The following RIT2 variants were observed in gnomAD, a reference collection of about 807,000 sequenced individuals.
RIT2 encodes Ras like without CAAX 2.
RIT2 carries 24 observed loss-of-function variants against 23.7 expected under a neutral mutation model. The observed-to-expected ratio is 1.01, with a 90% CI of 0.73 to 1.43. RIT2 has a LOEUF of 1.43. Among genes scored for constraint, RIT2 ranks in the 40% most tolerant of loss-of-function variants. The pLI is 0.00. For synonymous variants in RIT2, 107 were observed against 91.1 expected, an observed-to-expected ratio of 1.17 and a Z score of -0.99; for missense variants, 236 against 266.9, an observed-to-expected ratio of 0.88 and a Z score of 0.81.
intron 4 of RIT2, among the ~76,000 whole-genome samples, chr18:42,850,025 AT>A (rs1386613945): frequency 6.6e-6 from 1 of 151,770 alleles, no homozygotes; most frequent in Non-Finnish European, 1.5e-5. Flanking sequence ...TGTCCCTCCA[AT>A]TTTTAAATAT....
rs554576322 is a variant in RIT2 at position 43,090,446 on chromosome 18, T to A, written c.103+24971A>T. Among the ~76,000 whole-genome samples, 303 of 152,262 alleles carry A rather than the reference T, an allele frequency of 2.0e-3. 1 individual carries two copies. The highest frequency in any genetic ancestry group is 6.0e-4 in the Non-Finnish European group (41 of 68,012). On this transcript the variant is annotated intron_variant, in intron 1 of 4. Transcript: ENST00000326695. ...TGGAAGTGTAAATAGTTCAGCCATG[T>A]GGAAGACAGTGTGGCAATTCTTCAA...
rs535957917 is a variant in RIT2 at position 42,812,658 on chromosome 18, G to T, written c.427-68938C>A. On this transcript the variant is annotated intron_variant, in intron 4 of 4. Transcript: ENST00000326695. ...TAACAAAACTTCTGGCATTTAGCAA[G>T]ATCTTCAATGTGTTTTATGGAAGGG... Among the ~76,000 whole-genome samples the T allele has an allele frequency of 1.3e-4, 20 of 152,196 alleles. No homozygotes were observed. In the South Asian group the frequency reaches 4.1e-3, roughly 32 times the overall value.
intron 2 of RIT2, among the ~76,000 whole-genome samples, chr18:43,024,936 G>A (rs7506043): frequency 0.13 from 19,443 of 151,854 alleles, 1,419 homozygotes; most frequent in African/African-American, 0.18. Context: ...GGCCGGGTGC[G>A]GTGGCTCATA....
chr18:42,911,544 A>G (rs1244899092), intron 4 of RIT2, among the ~76,000 whole-genome samples: 1 of 152,114 alleles, frequency 6.6e-6, no homozygotes, highest in East Asian at 1.9e-4. Flanking sequence ...TTGTTTCACT[A>G]TAGCAACCAT....
intron 2 of RIT2, among the ~76,000 whole-genome samples, chr18:42,998,821 T>C (rs1911043458): frequency 6.6e-6 from 1 of 152,064 alleles, no homozygotes; most frequent in Non-Finnish European, 1.5e-5. Context: ...CTTCATTCTT[T>C]TGCAGGGGTT....
In RIT2 at chr18:43,033,812, T is replaced by A. The variant is rs1199780458; in HGVS notation, c.159A>T (p.Ile53=). The A allele has an allele frequency of 1.2e-6, 2 of 1,603,884 alleles. No homozygotes were observed. Among genetic ancestry groups the A allele is most frequent in the African/African-American group, 2.7e-5 (2 of 74,672 alleles). Residue 53 remains isoleucine (I), a splice_region_variant and synonymous_variant, in exon 2 of 5, where the codon ATA becomes ATT. Transcript: ENST00000326695. ...CGGAGAAAGGAAGCTTCCACTTACCTATAGTAGGGTCATGATAATCAGGGA... is the reference window on the plus strand; with the variant it reads ...CGGAGAAAGGAAGCTTCCACTTACCAATAGTAGGGTCATGATAATCAGGGA... ...HQFPDYHDPT[I]EDAYKTQVRI... is the part of the protein sequence containing the mutation.
chr18:42,831,727 G>A (rs1906463684), intron 4 of RIT2, among the ~76,000 whole-genome samples: 1 of 152,126 alleles, frequency 6.6e-6, no homozygotes, highest in Non-Finnish European at 1.5e-5. Context: ...TGGAAATGCA[G>A]GTAGATAAAA....
intron 1 of RIT2, among the ~76,000 whole-genome samples, chr18:43,109,993 T>A (rs1172771436): frequency 6.6e-6 from 1 of 152,174 alleles, no homozygotes; most frequent in South Asian, 2.1e-4. Context: ...CCAGTCCTTA[T>A]TTTCTGACTT....
intron 4 of RIT2, among the ~76,000 whole-genome samples, chr18:42,798,076 T>C (rs1905425751): frequency 6.6e-6 from 1 of 152,194 alleles, no homozygotes; most frequent in South Asian, 2.1e-4. Flanking sequence ...TAGCATGAAA[T>C]ATATAATTTT....
intron 4 of RIT2, among the ~76,000 whole-genome samples, chr18:42,874,643 G>A (rs371231767): frequency 3.9e-5 from 6 of 151,986 alleles, no homozygotes; most frequent in Admixed American, 1.3e-4. Context: ...CCTGTTTCTC[G>A]TATGCAATAC....
At chr18:43,077,705 T>A in intron 1 of RIT2, among the ~76,000 whole-genome samples, 1 of 152,192 alleles carries the variant, frequency 6.6e-6, no homozygotes, top group South Asian at 2.1e-4. Context: ...GCCCATCACT[T>A]ACCTGACAGC....
intron 2 of RIT2, among the ~76,000 whole-genome samples, chr18:42,987,703 T>C (rs1041700007): frequency 6.6e-5 from 10 of 152,112 alleles, no homozygotes; most frequent in African/African-American, 2.4e-4. Flanking sequence ...TGAGGCTGGG[T>C]AAGTTATAAA....
chr18:43,109,507 T>C (rs1008601541), intron 1 of RIT2, among the ~76,000 whole-genome samples: 2 of 152,182 alleles, frequency 1.3e-5, no homozygotes, highest in African/African-American at 4.8e-5. Flanking sequence ...TTCTTTCCCT[T>C]GGATCTCCCC....
chr18:42,759,634 T>C (rs1913249908), intron 4 of RIT2, among the ~76,000 whole-genome samples: 1 of 151,398 alleles, frequency 6.6e-6, no homozygotes, highest in Non-Finnish European at 1.5e-5. Flanking sequence ...TAGAGGCTGC[T>C]GCCATTTTTT....
intron 4 of RIT2, among the ~76,000 whole-genome samples, chr18:42,856,272 C>CAT (rs1345198033): frequency 6.6e-6 from 1 of 152,218 alleles, no homozygotes; most frequent in Admixed American, 6.5e-5. Flanking sequence ...AGTCCTATCT[C>CAT]ATACCTAGAA....
chr18:42,933,676 G>A (rs1297171981), intron 3 of RIT2, among the ~76,000 whole-genome samples: 1 of 152,072 alleles, frequency 6.6e-6, no homozygotes, highest in African/African-American at 2.4e-5. Flanking sequence ...ATTCCACCAT[G>A]ATCGAAAACT....
chr18:42,898,254 C>T (rs923803251), intron 4 of RIT2, among the ~76,000 whole-genome samples: 5 of 152,018 alleles, frequency 3.3e-5, no homozygotes, highest in Non-Finnish European at 2.9e-5. Flanking sequence ...ATTAGCTAAG[C>T]GTGGTGGCGG....
At chr18:42,850,958 G>A (rs79712069) in intron 4 of RIT2, among the ~76,000 whole-genome samples, 325 of 152,194 alleles carry the variant, frequency 2.1e-3, no homozygotes, top group African/African-American at 7.2e-3. Context: ...CCCAGAGGCC[G>A]GGAACCAGAT....
chr18:42,753,531 A>G (rs928139940), intron 4 of RIT2, among the ~76,000 whole-genome samples: 3 of 152,172 alleles, frequency 2.0e-5, no homozygotes, highest in Non-Finnish European at 2.9e-5. Flanking sequence ...GCATACAGCA[A>G]ACTCTTTGGA....
Sources: gnomAD v4.1 joint callset for allele counts (sites outside exome capture counted in the v4.1 genomes callset) on GRCh38, gnomAD v4.1.1 for gene constraint, MANE v1.5 for transcripts, NCBI Gene and HGNC (gene_info 2026-07-23, HGNC 2026-07-21) for gene names.